The following ARMH4 variants were observed in gnomAD, a reference collection of about 807,000 sequenced individuals.
The protein encoded by ARMH4 is armadillo-like helical domain-containing protein 4.
In ARMH4, 49 loss-of-function variants were observed where a neutral mutation model predicts 61.9. That is an observed-to-expected ratio of 0.79 (90% CI 0.63 to 1.00). ARMH4 has a LOEUF of 1.00. Among genes scored for constraint, ARMH4 ranks in the 50% least tolerant of loss-of-function variants. The pLI, the probability that ARMH4 is intolerant of heterozygous loss-of-function variation, is 0.00. For missense variants in ARMH4, 934 were observed against 930.0 expected, an observed-to-expected ratio of 1.00 and a Z score of -0.06; for synonymous variants, 368 against 341.5, an observed-to-expected ratio of 1.08 and a Z score of -0.85.
At chr14:58,063,849 C>T (rs544808987) in intron 5 of ARMH4, among the ~76,000 whole-genome samples, 8 of 152,116 alleles carry the variant, frequency 5.3e-5, no homozygotes, top group Admixed American at 3.9e-4. Context: ...CAAACAGAAA[C>T]GTTCCACCTG....
intron 5 of ARMH4, among the ~76,000 whole-genome samples, chr14:58,051,817 A>G (rs114150643): frequency 0.01 from 1,582 of 152,260 alleles, 24 homozygotes; most frequent in African/African-American, 0.036. Context: ...TGCATCAGGA[A>G]GAACAAGGTG....
intron 5 of ARMH4, among the ~76,000 whole-genome samples, chr14:58,015,454 C>A (rs1882576141): frequency 6.6e-6 from 1 of 152,020 alleles, no homozygotes; most frequent in South Asian, 2.1e-4. Flanking sequence ...AACATGAGAC[C>A]CCGGAGCGCC....
At chr14:58,141,199 AAAGT>A (rs1266705979) in intron 1 of ARMH4, 1 of 256,678 alleles carries the variant, frequency 3.9e-6, no homozygotes, top group Non-Finnish European at 7.7e-6. Context: ...AGAGTTTTTT[AAAGT>A]AAGTAAATAA....
At position 58,138,532 on chromosome 14, in the gene ARMH4, G is replaced by T; in HGVS notation, c.827C>A (p.Thr276Asn). Residue 276 changes from threonine to asparagine, a missense_variant, in exon 2 of 8, where the codon ACT (threonine) becomes AAT (asparagine). By Grantham distance (65) the Thr-to-Asn change is moderately conservative. Coordinates refer to ENST00000267485, the MANE Select transcript of ARMH4 (RefSeq NM_001001872.4). ...QAAATKQPLE[T>N]SEYTLSVEPE... is the part of the protein sequence containing the mutation. ...CTCAACACTCAGGGTGTACTCGGAA[G>T]TTTCGAGTGGTTGCTTGGTGGCAGC... 6.2e-7 allele frequency: 1 copy of T among 1,614,250 alleles called. No homozygotes were observed. The highest frequency in any genetic ancestry group is 8.5e-7 in the Non-Finnish European group (1 of 1,180,048).
rs79176489 is a variant in ARMH4, at chr14:58,106,244, T to C, written c.1832-9263A>G. On this transcript the variant is annotated intron_variant, in intron 4 of 7. Coordinates refer to ENST00000267485, the MANE Select transcript of ARMH4 (RefSeq NM_001001872.4). ...AGCATCCTTACCGAGATCAAGTCAC[T>C]CGGGATTAATCTGATGCTCCTGCTA... Among the ~76,000 whole-genome samples the C allele has an allele frequency of 6.5e-3, 992 of 152,180 alleles. 17 individuals carry two copies. Among genetic ancestry groups the C allele is most frequent in the African/African-American group, 0.022 (920 of 41,528 alleles).
In ARMH4 at chr14:58,027,477, G is replaced by A. The variant is rs140850744; in HGVS notation, c.2090-15327C>T. Among the ~76,000 whole-genome samples the A allele has an allele frequency of 4.6e-3, 693 of 152,296 alleles. 5 individuals are homozygous for A. The highest frequency in any genetic ancestry group is 7.4e-3 in the Non-Finnish European group (506 of 68,014). On this transcript the variant is annotated intron_variant, in intron 5 of 7. Transcript: ENST00000267485. ...ACACCTCCCTTTAGGTTTTGGTACT[G>A]AGAGGTTGGTGTGACTCTTTGTGAT...
intron 5 of ARMH4, among the ~76,000 whole-genome samples, chr14:58,057,685 C>T (rs2077125861): frequency 6.6e-6 from 1 of 152,116 alleles, no homozygotes; most frequent in African/African-American, 2.4e-5. Context: ...CAGGGATTCT[C>T]ACAGGTTATA....
At chr14:58,103,525 CA>C (rs796318397) in intron 4 of ARMH4, among the ~76,000 whole-genome samples, 5 of 149,756 alleles carry the variant, frequency 3.3e-5, no homozygotes, top group East Asian at 3.9e-4. Flanking sequence ...CCGCCCCCCC[CA>C]AAAAAAAACC....
At chr14:58,132,924 C>A (rs1216074761) in intron 3 of ARMH4, among the ~76,000 whole-genome samples, 166 bp downstream of exon 3, 1 of 152,142 alleles carries the variant, frequency 6.6e-6, no homozygotes, top group Non-Finnish European at 1.5e-5. Context: ...CCTCTTCAAA[C>A]AGGACAGAGC....
chr14:58,012,591 G>A lies in ARMH4; in HGVS notation c.2090-441C>T, dbSNP rs1289429670. Among the ~76,000 whole-genome samples the A allele has an allele frequency of 2.6e-5, 4 of 152,172 alleles. No homozygotes were observed. In the South Asian group the frequency reaches 6.2e-4, roughly 24 times the overall value. On this transcript the variant is annotated intron_variant, in intron 5 of 7. Transcript: ENST00000267485. ...TAAGGGAGGAAGGGAAAATAAGCAA[G>A]CCCAGGTTGCCCAGAGCTGGCTCCA...
intron 5 of ARMH4, among the ~76,000 whole-genome samples, chr14:58,025,048 C>T (rs989286279): frequency 3.3e-5 from 5 of 152,134 alleles, no homozygotes; most frequent in Admixed American, 2.6e-4. Flanking sequence ...ACAGAGTGAT[C>T]CCATGCTATA....
intron 5 of ARMH4, among the ~76,000 whole-genome samples, chr14:58,029,808 AG>A (rs1883162768): frequency 6.6e-6 from 1 of 152,204 alleles, no homozygotes; most frequent in Admixed American, 6.5e-5. Flanking sequence ...CTCCTCAAAA[AG>A]TTAAATAAAA....
chr14:58,142,236 T>A (rs574961634), intron 1 of ARMH4, among the ~76,000 whole-genome samples: 2 of 152,318 alleles, frequency 1.3e-5, no homozygotes, highest in South Asian at 4.1e-4. Flanking sequence ...AATCATTCAA[T>A]GATCTAAGTT....
At chr14:58,112,771 C>A (rs1166498673) in intron 4 of ARMH4, among the ~76,000 whole-genome samples, 2 of 152,118 alleles carry the variant, frequency 1.3e-5, no homozygotes, top group Admixed American at 6.5e-5. Flanking sequence ...TCGTTAATTT[C>A]TCTTAATTCA....
chr14:58,038,461 G>A (rs1369627126), intron 5 of ARMH4, among the ~76,000 whole-genome samples: 20 of 133,624 alleles, frequency 1.5e-4, no homozygotes, highest in South Asian at 7.7e-4. Flanking sequence ...TAGATGACAC[G>A]TTAGTGGGTG....
rs1184230944 is a variant in ARMH4, at chr14:58,002,109, A to G, written c.*2627T>C. The G allele has an allele frequency of 6.6e-6, 1 of 152,088 alleles. No homozygotes were observed. The highest frequency in any genetic ancestry group is 1.5e-5 in the Non-Finnish European group (1 of 68,010). The allele number at this position is 152,088 out of a possible 1,614,324, so 9.4% of individuals were successfully genotyped here. On this transcript the variant is annotated 3_prime_UTR_variant, in exon 8 of 8. Transcript: ENST00000267485. Reference sequence around the variant, plus strand: ...CAAGTGCCTGATTTACTACTTCTCAACTGGACCACTATATAACCACTGGCC... The same window carrying G: ...CAAGTGCCTGATTTACTACTTCTCAGCTGGACCACTATATAACCACTGGCC...
chr14:58,123,211 T>C (rs577683242), intron 4 of ARMH4, among the ~76,000 whole-genome samples: 5 of 152,246 alleles, frequency 3.3e-5, no homozygotes, highest in South Asian at 4.2e-4. Context: ...GCAGGGGCCA[T>C]TATACACCTG....
At chr14:58,015,367 C>T (rs57887259) in intron 5 of ARMH4, among the ~76,000 whole-genome samples, 8 of 152,104 alleles carry the variant, frequency 5.3e-5, no homozygotes, top group Admixed American at 5.2e-4. Flanking sequence ...AGTAAGTATT[C>T]TGGTGGGCAC....
In ARMH4 at chr14:58,138,041, C is replaced by G. The variant is rs1887366243; in HGVS notation, c.1318G>C (p.Val440Leu). Reference protein sequence around the residue: ...ALFFLETTVSVSVYESEADQL... With the variant: ...ALFFLETTVSLSVYESEADQL... Reference sequence around the variant, plus strand: ...TCTGCCTCAGACTCATATACAGAGACAGAAACAGTGGTTTCTAAGAAAAAC... The same window carrying G: ...TCTGCCTCAGACTCATATACAGAGAGAGAAACAGTGGTTTCTAAGAAAAAC... Residue 440 changes from valine (V) to leucine (L), a missense_variant, in exon 2 of 8, where the codon GTC becomes CTC. By Grantham distance (32) the Val-to-Leu change is conservative. Transcript: ENST00000267485. 1.9e-6 allele frequency: 3 copies of G among 1,614,116 alleles called. No individual in the cohort carries two copies. The East Asian group carries it at 6.7e-5, about 36-fold the overall frequency.
Sources: allele counts gnomAD v4.1 joint callset (sites outside exome capture counted in the v4.1 genomes callset), GRCh38; gene constraint gnomAD v4.1.1; transcripts MANE v1.5; gene names NCBI Gene and HGNC (gene_info 2026-07-23, HGNC 2026-07-21).